The following SNX29 variants were observed in gnomAD, a reference collection of about 807,000 sequenced individuals.
The protein encoded by SNX29 is sorting nexin-29.
Under a neutral mutation model 102.1 loss-of-function variants are expected in SNX29, and 78 were observed. The ratio of observed to expected loss-of-function variants is 0.76; its 90% CI spans 0.64 to 0.92. The LOEUF is 0.92. Among genes scored for constraint, SNX29 ranks in the 40% least tolerant of loss-of-function variants. SNX29 has a pLI of 0.00. For synonymous variants in SNX29, 580 were observed against 414.5 expected (o/e 1.40, Z -4.85); for missense variants, 1,280 against 1,061.7 (o/e 1.21, Z -2.86).
chr16:12,134,170 G>A (rs2054574158), intron 13 of SNX29, among the ~76,000 whole-genome samples: 1 of 152,182 alleles, frequency 6.6e-6, no homozygotes, highest in African/African-American at 2.4e-5. Flanking sequence ...ATTTACAGGA[G>A]GAAAAGTGGC....
chr16:12,413,914 C>T (rs2084512913), intron 18 of SNX29, among the ~76,000 whole-genome samples: 1 of 152,120 alleles, frequency 6.6e-6, no homozygotes, highest in Non-Finnish European at 1.5e-5. Flanking sequence ...GGTTCCGGGA[C>T]CCCCCATGGA....
intron 19 of SNX29, among the ~76,000 whole-genome samples, chr16:12,497,562 A>C (rs988149957): frequency 6.6e-6 from 1 of 152,126 alleles, no homozygotes; most frequent in African/African-American, 2.4e-5. Context: ...GAGTGGCTGG[A>C]GTCGGGAGCT....
chr16:12,544,479 G>C lies in SNX29; in HGVS notation c.2318+19638G>C, dbSNP rs535395869. Among the ~76,000 whole-genome samples, 4 of 152,244 alleles carry C rather than the reference G, an allele frequency of 2.6e-5. No individual in the cohort carries two copies. In the East Asian group the frequency reaches 7.7e-4, roughly 29 times the overall value. ...CTCATTCTGAAGAGGCCGATTTTAT[G>C]ATTGGGGTCGGCTGGGGTCTAGATG... On this transcript the variant is annotated intron_variant, in intron 20 of 20. Transcript: ENST00000566228.
intron 13 of SNX29, among the ~76,000 whole-genome samples, chr16:12,163,900 A>G (rs1596397621): frequency 6.6e-6 from 1 of 152,160 alleles, no homozygotes; most frequent in African/African-American, 2.4e-5. Context: ...AGATTTGGAC[A>G]TTCTACAGGA....
chr16:12,443,188 G>C, intron 18 of SNX29: 1 of 365,012 alleles, frequency 2.7e-6, no homozygotes, highest in South Asian at 2.0e-5. Flanking sequence ...TCCTATGGAA[G>C]CTGCTCAGTA....
At chr16:12,560,221 C>G (rs7184258) in intron 20 of SNX29, among the ~76,000 whole-genome samples, 4 of 150,096 alleles carry the variant, frequency 2.7e-5, no homozygotes, top group African/African-American at 9.9e-5. Context: ...ACTACACAGC[C>G]AGAGCTTGCA....
At chr16:12,081,074 A>G (rs908259256) in intron 11 of SNX29, among the ~76,000 whole-genome samples, 1 of 152,236 alleles carries the variant, frequency 6.6e-6, no homozygotes, top group African/African-American at 2.4e-5. Context: ...ATGGAGAGTC[A>G]CTATGAGTTA....
chr16:12,069,242 G>T, intron 10 of SNX29, 110 bp downstream of exon 10: 1 of 872,786 alleles, frequency 1.1e-6, no homozygotes, highest in Non-Finnish European at 1.8e-6. Context: ...TAAAGGGCAA[G>T]GGTTTACTTC....
intron 16 of SNX29, among the ~76,000 whole-genome samples, chr16:12,394,603 C>A (rs1385440853): frequency 6.6e-6 from 1 of 152,152 alleles, no homozygotes; most frequent in Non-Finnish European, 1.5e-5. Context: ...CTGAGCTGGA[C>A]ATCCAAGATG....
intron 3 of SNX29, among the ~76,000 whole-genome samples, chr16:12,020,750 A>ATC (rs2056995032): frequency 6.6e-6 from 1 of 151,534 alleles, no homozygotes; most frequent in Non-Finnish European, 1.5e-5. Flanking sequence ...CAGCCACCTG[A>ATC]GTAGCTGGGA....
chr16:12,572,008 G>T lies in SNX29; in HGVS notation c.*3379G>T, dbSNP rs564610525. Reference sequence around the variant, plus strand: ...CATCCAGTCACCAGTTGCATCTAGGGAGCTGCTGGCTATAAAAGGGATCAT... The same window carrying T: ...CATCCAGTCACCAGTTGCATCTAGGTAGCTGCTGGCTATAAAAGGGATCAT... On this transcript the variant is annotated 3_prime_UTR_variant, in exon 21 of 21. Coordinates refer to ENST00000566228, the MANE Select transcript of SNX29 (RefSeq NM_032167.5). 9 of 1,062,624 alleles carry T rather than the reference G, an allele frequency of 8.5e-6. No homozygotes were observed. The Admixed American group carries it at 4.8e-4, about 57-fold the overall frequency. The allele number at this position is 1,062,624 out of a possible 1,614,324, so 65.8% of individuals were successfully genotyped here. A position where few individuals can be genotyped will look rare whatever the true frequency, so the allele number is the denominator to read the frequency against.
At chr16:12,079,566 C>T (rs979538190) in intron 11 of SNX29, among the ~76,000 whole-genome samples, 3 of 152,060 alleles carry the variant, frequency 2.0e-5, no homozygotes, top group African/African-American at 7.2e-5. Context: ...GTTTGGGAGG[C>T]ACCTAGCATT....
At chr16:12,501,945 G>C (rs1442405861) in intron 19 of SNX29, among the ~76,000 whole-genome samples, 1 of 152,146 alleles carries the variant, frequency 6.6e-6, no homozygotes, top group Non-Finnish European at 1.5e-5. Flanking sequence ...GTGGATACCA[G>C]GGGACATGCA....
At chr16:12,360,793 T>G (rs1363501420) in intron 16 of SNX29, among the ~76,000 whole-genome samples, 1 of 152,206 alleles carries the variant, frequency 6.6e-6, no homozygotes, top group Non-Finnish European at 1.5e-5. Context: ...GGAAGCATAT[T>G]TAGGAAGGAC....
chr16:12,403,556 T>C, intron 18 of SNX29, 27 bp downstream of exon 18: 2 of 1,583,680 alleles, frequency 1.3e-6, no homozygotes, highest in Non-Finnish European at 1.7e-6. Context: ...CAGGTGGACA[T>C]CACAGCTGGG....
intron 19 of SNX29, among the ~76,000 whole-genome samples, chr16:12,499,740 C>A (rs1309806202): frequency 6.6e-6 from 1 of 152,200 alleles, no homozygotes; most frequent in Non-Finnish European, 1.5e-5. Context: ...GTGGCACAAT[C>A]ACGGCTCACT....
At chr16:12,394,359 A>G (rs1261244744) in intron 16 of SNX29, among the ~76,000 whole-genome samples, 2 of 152,232 alleles carry the variant, frequency 1.3e-5, no homozygotes, top group African/African-American at 2.4e-5. Flanking sequence ...CAGTTAGAAG[A>G]GCAGGCTCTG....
intron 15 of SNX29, among the ~76,000 whole-genome samples, chr16:12,332,021 C>G (rs1159846222): frequency 1.3e-5 from 2 of 152,114 alleles, no homozygotes; most frequent in African/African-American, 4.8e-5. Flanking sequence ...GATCATGCCA[C>G]TGCACTGGAG....
intron 20 of SNX29, among the ~76,000 whole-genome samples, chr16:12,561,490 C>T (rs537085850): frequency 6.6e-6 from 1 of 152,272 alleles, no homozygotes; most frequent in Non-Finnish European, 1.5e-5. Flanking sequence ...ACCGGCTCGC[C>T]AGACCCAGAT....
Sources: gnomAD v4.1 joint callset for allele counts (sites outside exome capture counted in the v4.1 genomes callset) on GRCh38, gnomAD v4.1.1 for gene constraint, MANE v1.5 for transcripts, NCBI Gene and HGNC (gene_info 2026-07-23, HGNC 2026-07-21) for gene names.